PDZD2: variants seen among roughly 807,000 people sequenced by gnomAD.
PDZD2 encodes PDZ domain containing 2, also known as PDZ domain-containing protein 2.
In PDZD2, 90 loss-of-function variants were observed where a neutral mutation model predicts 220.7. The ratio of observed to expected loss-of-function variants is 0.41; its 90% confidence interval spans 0.34 to 0.49. The LOEUF is 0.49. PDZD2 is among the 20% of genes least tolerant of loss of function. The pLI is 0.28. For synonymous variants in PDZD2, 1,375 were observed against 1,450.5 expected, an observed-to-expected ratio of 0.95 and a Z score of 1.18; for missense variants, 3,174 against 3,608.5, an observed-to-expected ratio of 0.88 and a Z score of 3.08.
chr5:31,665,311 G>A (rs1361506860), intron 1 of PDZD2, among the ~76,000 whole-genome samples: 3 of 152,060 alleles, frequency 2.0e-5, no homozygotes, highest in African/African-American at 2.4e-5. Context: ...ACTTCACCTT[G>A]CCCTTCCTGT....
chr5:32,082,328 T>A (rs1365425657), intron 19 of PDZD2, among the ~76,000 whole-genome samples: 1 of 152,110 alleles, frequency 6.6e-6, no homozygotes, highest in Non-Finnish European at 1.5e-5. Flanking sequence ...AGCCAAAACA[T>A]ATCTTTTTTA....
At chr5:31,687,830 G>A (rs1197203820) in intron 1 of PDZD2, among the ~76,000 whole-genome samples, 1 of 152,142 alleles carries the variant, frequency 6.6e-6, no homozygotes, top group Admixed American at 6.5e-5. Context: ...GAGGGCACTA[G>A]TTCTATTGGA....
chr5:31,854,913 GGA>G, intron 2 of PDZD2: 1 of 927,730 alleles, frequency 1.1e-6, no homozygotes, highest in Non-Finnish European at 1.3e-6. Flanking sequence ...CGCGGAGGGA[GGA>G]GGGGGGGGTC....
chr5:31,994,811 A>G (rs1385003689), intron 3 of PDZD2, among the ~76,000 whole-genome samples: 1 of 152,204 alleles, frequency 6.6e-6, no homozygotes, highest in African/African-American at 2.4e-5. Flanking sequence ...TTTAACATAA[A>G]TATGCTTATA....
At chr5:31,949,123 A>AAG (rs1746946162) in intron 2 of PDZD2, among the ~76,000 whole-genome samples, 1 of 143,334 alleles carries the variant, frequency 7.0e-6, no homozygotes, top group South Asian at 2.2e-4. Context: ...AAAAAAAAAA[A>AAG]TAGTGTTCCT....
At chr5:31,960,258 C>G (rs1581163866) in intron 2 of PDZD2, among the ~76,000 whole-genome samples, 2 of 151,744 alleles carry the variant, frequency 1.3e-5, no homozygotes, top group East Asian at 3.9e-4. Context: ...CTCTTGTTGC[C>G]CAGGCTGGAG....
chr5:31,780,517 G>T lies in PDZD2; in HGVS notation c.-360-18372G>T, dbSNP rs558223905. On this transcript the variant is annotated intron_variant, in intron 1 of 24. Coordinates refer to ENST00000438447, the MANE Select transcript of PDZD2 (RefSeq NM_178140.4). ...CGAAGTCAAAGAAAAGCGAAAGCCAGTGTCTATAGAGAAATAATGATGAGC... is the reference window on the plus strand; with the variant it reads ...CGAAGTCAAAGAAAAGCGAAAGCCATTGTCTATAGAGAAATAATGATGAGC... Among the ~76,000 whole-genome samples the T allele has an allele frequency of 4.6e-5, 7 of 152,312 alleles. No individual in the cohort carries two copies. The South Asian group carries it at 1.5e-3, about 32-fold the overall frequency.
chr5:31,893,077 G>T (rs754283422), intron 2 of PDZD2, among the ~76,000 whole-genome samples: 1 of 150,226 alleles, frequency 6.7e-6, no homozygotes, highest in African/African-American at 2.4e-5. Flanking sequence ...CTCCAAGAAA[G>T]AATATTTTTT....
Position 32,108,238 on chromosome 5 carries a change from C to T in PDZD2, c.*103C>T, listed in dbSNP as rs746544175. 2.9e-5 allele frequency: 20 copies of T among 681,004 alleles called. No homozygotes were observed. Among genetic ancestry groups the T allele is most frequent in the Middle Eastern group, 3.7e-4 (1 of 2,668 alleles). 42.2% of individuals were successfully genotyped at this position (681,004 alleles called of 1,614,324 possible). A position where few individuals can be genotyped will look rare whatever the true frequency, so the allele number is the denominator to read the frequency against. ...GAAATGGCCAACACTGGTACAGACACGGACTATAAAAATCTCCAAGCTTGT... is the reference window on the plus strand; with the variant it reads ...GAAATGGCCAACACTGGTACAGACATGGACTATAAAAATCTCCAAGCTTGT... On this transcript the variant is annotated 3_prime_UTR_variant, in exon 25 of 25. Transcript: ENST00000438447.
At chr5:31,793,867 T>G (rs1276339624) in intron 1 of PDZD2, among the ~76,000 whole-genome samples, 2 of 152,150 alleles carry the variant, frequency 1.3e-5, no homozygotes, top group East Asian at 3.9e-4. Context: ...GAAAGTCCCT[T>G]GGGCACGCAC....
rs559363946 is a variant in PDZD2 at position 31,651,914 on chromosome 5, G to A, written c.-361+12477G>A. On this transcript the variant is annotated intron_variant, in intron 1 of 24. Transcript: ENST00000438447. ...CTCACTGGAACTTCCACCCTCTCTG[G>A]GTTCAAGCAATTTTCCTGTCTCAGC... Among the ~76,000 whole-genome samples, 531 of 147,150 alleles carry A rather than the reference G, an allele frequency of 3.6e-3. 3 individuals are homozygous for A. Among genetic ancestry groups the A allele is most frequent in the African/African-American group, 0.013 (506 of 39,656 alleles).
chr5:31,850,224 A>G (rs79949639), intron 2 of PDZD2, among the ~76,000 whole-genome samples: 11 of 62,176 alleles, frequency 1.8e-4, no homozygotes, highest in South Asian at 5.0e-4. Context: ...GTATATATAT[A>G]AGTATATATA....
At chr5:31,885,194 A>G (rs1337922328) in intron 2 of PDZD2, among the ~76,000 whole-genome samples, 1 of 150,866 alleles carries the variant, frequency 6.6e-6, no homozygotes, top group African/African-American at 2.4e-5. Context: ...AAAATGCTTG[A>G]GCTGTTAGGT....
chr5:31,750,147 T>C (rs1561429811), intron 1 of PDZD2, among the ~76,000 whole-genome samples: 1 of 152,218 alleles, frequency 6.6e-6, no homozygotes, highest in Non-Finnish European at 1.5e-5. Flanking sequence ...TAGGGTCACA[T>C]GGGCCAGTTT....
chr5:32,106,068 A>G (rs1372718510), intron 24 of PDZD2: 1 of 152,212 alleles, frequency 6.6e-6, no homozygotes, highest in Non-Finnish European at 1.5e-5. Context: ...CATTTATTGT[A>G]TACTTTATTT....
chr5:32,045,062 T>C (rs1737796150), intron 7 of PDZD2, among the ~76,000 whole-genome samples: 1 of 152,258 alleles, frequency 6.6e-6, no homozygotes. Context: ...TAGATGCTAC[T>C]GTATGTGGTT....
At chr5:31,713,921 C>T (rs568621171) in intron 1 of PDZD2, among the ~76,000 whole-genome samples, 40 of 152,326 alleles carry the variant, frequency 2.6e-4, no homozygotes, top group African/African-American at 9.4e-4. Flanking sequence ...CACCATGCTT[C>T]TTGTACAGCC....
intron 21 of PDZD2, among the ~76,000 whole-genome samples, chr5:32,096,731 C>T (rs903229141): frequency 4.6e-5 from 7 of 151,682 alleles, no homozygotes; most frequent in South Asian, 2.1e-4. Context: ...GCCACTGACG[C>T]TTATCTTTCT....
chr5:31,812,917 A>G (rs1279672463), intron 2 of PDZD2, among the ~76,000 whole-genome samples: 5 of 152,144 alleles, frequency 3.3e-5, no homozygotes, highest in Non-Finnish European at 7.4e-5. Context: ...TAAGCAAACA[A>G]TAAGAAATGA....
Sources: gnomAD v4.1 joint callset for allele counts (sites outside exome capture counted in the v4.1 genomes callset) on GRCh38, gnomAD v4.1.1 for gene constraint, MANE v1.5 for transcripts, NCBI Gene and HGNC (gene_info 2026-07-23, HGNC 2026-07-21) for gene names.